The following EZH2 variants were observed in gnomAD, a reference collection of about 807,000 sequenced individuals.
EZH2 encodes enhancer of zeste 2 polycomb repressive complex 2 subunit, also known as histone-lysine N-methyltransferase EZH2.
Under a neutral mutation model 98.4 loss-of-function variants are expected in EZH2, and 18 were observed. That is an observed-to-expected ratio of 0.18 (90% confidence interval 0.13 to 0.27). The LOEUF (loss-of-function observed/expected upper bound fraction) is 0.27. Among genes scored for constraint, EZH2 ranks in the 10% least tolerant of loss-of-function variants. The probability of loss-of-function intolerance (pLI) is 1.00; values close to 1 mark genes in which losing one functional copy is unlikely to be tolerated. For synonymous variants in EZH2, 338 were observed against 312.3 expected (o/e 1.08, Z -0.87); for missense variants, 470 against 935.1 (o/e 0.50, Z 6.49).
intron 1 of EZH2, among the ~76,000 whole-genome samples, chr7:148,878,121 G>A (rs982685028): frequency 6.6e-6 from 1 of 152,120 alleles, no homozygotes; most frequent in African/African-American, 2.4e-5. Context: ...TACATATCGT[G>A]TAAAATTTAC....
In EZH2 at chr7:148,807,688, G is replaced by A. The variant is rs1801829157; in HGVS notation, c.2214C>T (p.Ala738=). 1 of 1,596,244 alleles carries A rather than the reference G, an allele frequency of 6.3e-7. No individual in the cohort carries two copies. Among genetic ancestry groups the A allele is most frequent in the Non-Finnish European group, 8.5e-7 (1 of 1,170,612 alleles). Residue 738 remains alanine (A), a synonymous_variant, in exon 20 of 20, where the codon GCC becomes GCT. Transcript: ENST00000320356. The part of the protein sequence containing the change: ...FFDYRYSQAD[A]LKYVGIEREM... Reference sequence around the variant, plus strand: ...CTCTTTCGATGCCGACATACTTCAGGGCATCAGCCTGGCTGTATCTGAAAC... The same window carrying A: ...CTCTTTCGATGCCGACATACTTCAGAGCATCAGCCTGGCTGTATCTGAAAC...
At chr7:148,873,026 G>A (rs1416510317) in intron 1 of EZH2, among the ~76,000 whole-genome samples, 1 of 151,992 alleles carries the variant, frequency 6.6e-6, no homozygotes, top group East Asian at 1.9e-4. Flanking sequence ...AATAAAAAAT[G>A]TAAAAAATTA....
chr7:148,862,734 C>T (rs1817867459), intron 1 of EZH2, among the ~76,000 whole-genome samples: 1 of 152,152 alleles, frequency 6.6e-6, no homozygotes, highest in Non-Finnish European at 1.5e-5. Context: ...CAGAATGTTA[C>T]AACTGCATGC....
intron 17 of EZH2, among the ~76,000 whole-genome samples, 180 bp from the exon 18 acceptor site, chr7:148,809,570 G>C (rs936303599): frequency 6.6e-6 from 1 of 151,256 alleles, no homozygotes; most frequent in Non-Finnish European, 1.5e-5. Context: ...ATTGTTCCAG[G>C]TTAAAATTAA....
chr7:148,871,546 C>A (rs1318326165), intron 1 of EZH2, among the ~76,000 whole-genome samples: 1 of 150,302 alleles, frequency 6.7e-6, no homozygotes, highest in Admixed American at 6.6e-5. Context: ...ACCCTATACA[C>A]AAGTTTCACA....
chr7:148,866,840 A>G (rs1818621888), intron 1 of EZH2, among the ~76,000 whole-genome samples: 1 of 149,470 alleles, frequency 6.7e-6, no homozygotes, highest in Non-Finnish European at 1.5e-5. Flanking sequence ...TCAGCCTTCC[A>G]AGTAGCTGAG....
intron 8 of EZH2, among the ~76,000 whole-genome samples, chr7:148,820,098 GCAAT>G (rs1185887769): frequency 1.3e-5 from 2 of 152,166 alleles, no homozygotes; most frequent in Non-Finnish European, 2.9e-5. Context: ...AGAAAGGTCA[GCAAT>G]CAGCTTGTCA....
At chr7:148,811,743 A>T in intron 15 of EZH2, 23 bp from the exon 16 acceptor site, 1 of 1,590,508 alleles carries the variant, frequency 6.3e-7, no homozygotes, top group Non-Finnish European at 8.6e-7. Context: ...ACACAATCAC[A>T]TCATCAAAAA....
intron 3 of EZH2, among the ~76,000 whole-genome samples, chr7:148,839,412 G>T (rs187374366): frequency 3.1e-4 from 47 of 151,568 alleles, no homozygotes; most frequent in African/African-American, 1.1e-3. Flanking sequence ...CTAAAGGAAA[G>T]ATAGGTAGAT....
chr7:148,852,521 G>A (rs911680132), intron 1 of EZH2, among the ~76,000 whole-genome samples: 5 of 152,090 alleles, frequency 3.3e-5, no homozygotes, highest in Admixed American at 6.5e-5. Flanking sequence ...TTAGATACAC[G>A]GCCACAATCA....
At chr7:148,823,012 A>C (rs1806616707) in intron 8 of EZH2, among the ~76,000 whole-genome samples, 1 of 152,234 alleles carries the variant, frequency 6.6e-6, no homozygotes, top group African/African-American at 2.4e-5. Flanking sequence ...CCTCATTCAA[A>C]GGAATTAAAT....
chr7:148,856,136 G>A (rs576541069), intron 1 of EZH2, among the ~76,000 whole-genome samples: 2 of 152,110 alleles, frequency 1.3e-5, no homozygotes, highest in Non-Finnish European at 2.9e-5. Context: ...CTCATGGAAG[G>A]AGCAGGAGGT....
At chr7:148,822,884 G>A (rs1308533577) in intron 8 of EZH2, among the ~76,000 whole-genome samples, 1 of 151,124 alleles carries the variant, frequency 6.6e-6, no homozygotes, top group East Asian at 2.0e-4. Context: ...AGAGGTCGCC[G>A]TGAGCCAAGA....
intron 3 of EZH2, among the ~76,000 whole-genome samples, chr7:148,842,493 T>TA (rs1458808540): frequency 6.6e-6 from 1 of 152,226 alleles, no homozygotes; most frequent in Non-Finnish European, 1.5e-5. Context: ...AGTCACCTAG[T>TA]AACAATTTCT....
At chr7:148,826,803 A>C (rs1807836942) in intron 7 of EZH2, among the ~76,000 whole-genome samples, 171 bp from the exon 8 acceptor site, 1 of 152,256 alleles carries the variant, frequency 6.6e-6, no homozygotes, top group African/African-American at 2.4e-5. Flanking sequence ...GGTGTTATCA[A>C]GAATCAAATT....
intron 1 of EZH2, among the ~76,000 whole-genome samples, chr7:148,859,066 A>C (rs1817272208): frequency 6.6e-6 from 1 of 152,258 alleles, no homozygotes; most frequent in Non-Finnish European, 1.5e-5. Flanking sequence ...AAAGAAAAGA[A>C]GGGTTAATAT....
chr7:148,866,187 CA>C (rs1048235350), intron 1 of EZH2, among the ~76,000 whole-genome samples: 1 of 152,116 alleles, frequency 6.6e-6, no homozygotes, highest in African/African-American at 2.4e-5. Flanking sequence ...TACAAAATTT[CA>C]AACCCTTCAA....
intron 1 of EZH2, among the ~76,000 whole-genome samples, chr7:148,848,633 G>A (rs1024832535): frequency 3.3e-5 from 5 of 152,126 alleles, no homozygotes; most frequent in Non-Finnish European, 7.4e-5. Flanking sequence ...TGTAACAAAG[G>A]GGCGAAGAAA....
chr7:148,817,486 G>C (rs1452477245), intron 10 of EZH2, 95 bp from the exon 11 acceptor site: 2 of 1,268,376 alleles, frequency 1.6e-6, no homozygotes, highest in African/African-American at 3.0e-5. Context: ...GCGAAAAGAT[G>C]AGGACAACTC....
Sources: gnomAD v4.1 joint callset for allele counts (sites outside exome capture counted in the v4.1 genomes callset) on GRCh38, gnomAD v4.1.1 for gene constraint, MANE v1.5 for transcripts, NCBI Gene and HGNC (gene_info 2026-07-23, HGNC 2026-07-21) for gene names.